Variants in FAM234A observed in about 807,000 individuals in gnomAD.
FAM234A encodes family with sequence similarity 234 member A.
In FAM234A, 42 loss-of-function variants were observed where a neutral mutation model predicts 49.1. The ratio of observed to expected loss-of-function variants is 0.86; its 90% confidence interval spans 0.67 to 1.11. FAM234A has a LOEUF of 1.11. FAM234A is among the 50% of genes least tolerant of loss of function. The probability of loss-of-function intolerance (pLI) is 0.00; values close to 1 mark genes in which losing one functional copy is unlikely to be tolerated. For synonymous variants in FAM234A, 369 were observed against 316.2 expected, an observed-to-expected ratio of 1.17 and a Z score of -1.77; for missense variants, 815 against 745.2, an observed-to-expected ratio of 1.09 and a Z score of -1.09.
At chr16:268,979 T>G (rs942189726), downstream of FAM234A, 2 of 1,534,086 alleles carry the variant, frequency 1.3e-6, no homozygotes, top group Non-Finnish European at 1.8e-6. Context: ...TGGAGCTCCC[T>G]GTGGCCTTGG....
chr16:254,783 A>G, intron 3 of FAM234A, 102 bp downstream of exon 3: 1 of 1,238,248 alleles, frequency 8.1e-7, no homozygotes, highest in Non-Finnish European at 1.1e-6. Flanking sequence ...AGTGGCCTTT[A>G]AACAGTGAAT....
At chr16:257,851 CTTTT>C (rs962470096) in intron 3 of FAM234A, among the ~76,000 whole-genome samples, 1 of 148,100 alleles carries the variant, frequency 6.8e-6, no homozygotes, top group African/African-American at 2.5e-5. Flanking sequence ...CAACTTTATT[CTTTT>C]TTTTTTGTTT....
intron 1 of FAM234A, among the ~76,000 whole-genome samples, chr16:239,823 C>T (rs964781887): frequency 6.6e-6 from 1 of 152,092 alleles, no homozygotes; most frequent in East Asian, 1.9e-4. Flanking sequence ...TTTTTCAGTT[C>T]TGCAAAGGAA....
chr16:249,861 A>T (rs2050936487), intron 2 of FAM234A, among the ~76,000 whole-genome samples: 1 of 152,076 alleles, frequency 6.6e-6, no homozygotes, highest in Admixed American at 6.5e-5. Flanking sequence ...TAAAGATAGA[A>T]ATCCAGAATT....
rs756038282 is a variant in FAM234A at position 264,188 on chromosome 16, C to T, written c.1344+17C>T. ...AGCGAGACGGTACGGGAGCCACCCT[C>T]GGAGCAGCCATGCTGGGAGCCGGGG... On this transcript the variant is annotated intron_variant, in intron 11 of 12. Transcript: ENST00000399932. 35 of 1,584,482 alleles carry T rather than the reference C, an allele frequency of 2.2e-5. No individual in the cohort carries two copies. The highest frequency in any genetic ancestry group is 8.8e-5 in the Admixed American group (5 of 56,558).
intron 1 of FAM234A, among the ~76,000 whole-genome samples, chr16:241,786 G>A (rs562783219): frequency 6.6e-5 from 10 of 151,268 alleles, no homozygotes; most frequent in African/African-American, 1.7e-4. Flanking sequence ...GCTTGGTGGC[G>A]GGCACCTGTA....
At chr16:269,083 G>A (rs2141396365), downstream of FAM234A, 1 of 949,890 alleles carries the variant, frequency 1.1e-6, no homozygotes, top group East Asian at 2.6e-5. Flanking sequence ...CATTCCTTCT[G>A]GGCAGGGAGG....
intron 2 of FAM234A, among the ~76,000 whole-genome samples, chr16:251,673 A>G (rs1212786158): frequency 7.6e-6 from 1 of 132,080 alleles, no homozygotes; most frequent in Non-Finnish European, 1.6e-5. Context: ...CACCATGCCT[A>G]GCCAGGTTTT....
chr16:254,373 C>T lies in FAM234A; in HGVS notation c.-33-8C>T, dbSNP rs944480001. The T allele has an allele frequency of 3.1e-6, 5 of 1,606,644 alleles. No homozygotes were observed. The highest frequency in any genetic ancestry group is 1.1e-5 in the South Asian group (1 of 90,296). On this transcript the variant is annotated splice_polypyrimidine_tract_variant and splice_region_variant and intron_variant, in intron 2 of 12. Coordinates refer to ENST00000399932, the MANE Select transcript of FAM234A (RefSeq NM_032039.4). ...TGGCCTCGCCGACCTCTTGCTTTAT[C>T]GACACAGTGACCAGGAGTTAAACTT...
intron 1 of FAM234A, among the ~76,000 whole-genome samples, chr16:238,864 C>G (rs1290834265): frequency 6.9e-6 from 1 of 145,334 alleles, no homozygotes; most frequent in East Asian, 2.1e-4. Context: ...GTGGGTGGAT[C>G]ACGAGGTCAG....
rs529168931 is a variant in FAM234A, at chr16:235,612, C to G, written c.-140+755C>G. ...TTCCAGCTGAGGAGGCTGTGACGCG[C>G]TCCCTTCCATGTACTGGCTGCCGGT... On this transcript the variant is annotated intron_variant, in intron 1 of 12. Transcript: ENST00000399932. Among the ~76,000 whole-genome samples the G allele has an allele frequency of 2.0e-5, 3 of 152,184 alleles. No homozygotes were observed. In the South Asian group the frequency reaches 6.2e-4, roughly 31 times the overall value.
intron 1 of FAM234A, among the ~76,000 whole-genome samples, chr16:244,854 A>ATTTTTTTTTTTT (rs1203898846): frequency 4.1e-5 from 6 of 147,372 alleles, no homozygotes; most frequent in Admixed American, 1.4e-4. Context: ...CGCCCGGCTA[A>ATTTTTTTTTTTT]TTTTTTTTTG....
At position 264,623 on chromosome 16, in the gene FAM234A, G is replaced by A. The variant is rs1049196082; in HGVS notation, c.1354G>A (p.Glu452Lys). Residue 452 changes from glutamate (E) to lysine (K), a missense_variant, in exon 12 of 13, where the codon GAG becomes AAG. Glu to Lys is a moderately conservative substitution (Grantham distance 56). Transcript: ENST00000399932. ...CTGGTTCTCGCTCCAGGAGACCGGG[G>A]AGGCCCGGCACAGCCTGTACATGTT... ...LGSTSETETG[E>K]ARHSLYMFHP... 3 of 1,609,446 alleles carry A rather than the reference G, an allele frequency of 1.9e-6. No individual in the cohort carries two copies. Among genetic ancestry groups the A allele is most frequent in the Non-Finnish European group, 2.5e-6 (3 of 1,178,872 alleles).
intron 9 of FAM234A, 98 bp from the exon 10 acceptor site, chr16:263,602 C>A: frequency 7.9e-7 from 1 of 1,266,652 alleles, no homozygotes; most frequent in Non-Finnish European, 1.1e-6. Flanking sequence ...CCAGATGTGG[C>A]CATGGGAGAC....
In FAM234A at chr16:263,766, C is replaced by T. The variant is rs192515044; in HGVS notation, c.1179C>T (p.Thr393=). The T allele has an allele frequency of 3.3e-5, 53 of 1,612,932 alleles. No individual in the cohort carries two copies. Among genetic ancestry groups the T allele is most frequent in the East Asian group, 6.7e-5 (3 of 44,882 alleles). Residue 393 remains threonine, a synonymous_variant, in exon 10 of 13, where the codon ACC becomes ACT. Transcript: ENST00000399932. The stretch of plus-strand genomic sequence containing the variant: ...TAGCCGTTGAAAACGGAACTGGCAC[C>T]GACAGACAGGTTCGTTGTTCTTCCT... ...LAVAVENGTG[T]DRQILFLDLG...
intron 3 of FAM234A, among the ~76,000 whole-genome samples, chr16:256,244 A>C (rs4374177): frequency 6.6e-6 from 1 of 152,062 alleles, no homozygotes; most frequent in South Asian, 2.1e-4. Context: ...GCTGAACCCT[A>C]TGGTAAGTTT....
Position 259,474 on chromosome 16 carries a change from C to G in FAM234A, c.269-9C>G, listed in dbSNP as rs1485885011. 1.3e-6 allele frequency: 2 copies of G among 1,519,234 alleles called. No individual in the cohort carries two copies. Among genetic ancestry groups the G allele is most frequent in the African/African-American group, 1.4e-5 (1 of 72,776 alleles). 94.1% of individuals were successfully genotyped at this position (1,519,234 alleles called of 1,614,324 possible). On this transcript the variant is annotated splice_polypyrimidine_tract_variant and intron_variant, in intron 3 of 12. Coordinates refer to ENST00000399932, the MANE Select transcript of FAM234A (RefSeq NM_032039.4). ...CCCGCGGAGTATAGTCTGTGGTTTT[C>G]TCTTTCAGTTATCTATGACTTTCTG...
At chr16:252,079 C>T (rs976299138) in intron 2 of FAM234A, among the ~76,000 whole-genome samples, 5 of 151,076 alleles carry the variant, frequency 3.3e-5, no homozygotes, top group Admixed American at 1.3e-4. Context: ...GAGCTCACTG[C>T]AGCCTCGAGC....
chr16:254,585 C>A lies in FAM234A; in HGVS notation c.172C>A (p.Leu58Ile). Reference sequence around the variant, plus strand: ...GGCGGCGTTTTTTCTTTCATTGTTTCTCTGCCTTTTTGTGGTGTTCGTCGT... The same window carrying A: ...GGCGGCGTTTTTTCTTTCATTGTTTATCTGCCTTTTTGTGGTGTTCGTCGT... ...RAAAFFLSLF[L>I]CLFVVFVVSF... is the part of the protein sequence containing the mutation. The change falls in exon 3 of 13, where the codon CTC becomes ATC. Residue 58 changes from leucine to isoleucine, a missense_variant. Transcript: ENST00000399932. 1 of 1,557,728 alleles carries A rather than the reference C, an allele frequency of 6.4e-7. No individual in the cohort carries two copies. Among genetic ancestry groups the A allele is most frequent in the Non-Finnish European group, 8.7e-7 (1 of 1,143,364 alleles).
Sources: gnomAD v4.1 joint callset for allele counts (sites outside exome capture counted in the v4.1 genomes callset) on GRCh38, gnomAD v4.1.1 for gene constraint, MANE v1.5 for transcripts, NCBI Gene and HGNC (gene_info 2026-07-23, HGNC 2026-07-21) for gene names.